Variants in ATAD3C observed in about 807,000 individuals in gnomAD.
The protein encoded by ATAD3C is ATPase family AAA domain containing 3C.
ATAD3C carries 38 observed loss-of-function variants against 46.3 expected under a neutral mutation model. The ratio of observed to expected loss-of-function variants is 0.82; its 90% confidence interval spans 0.63 to 1.08. ATAD3C has a LOEUF of 1.08. Among genes scored for constraint, ATAD3C ranks in the 50% least tolerant of loss-of-function variants. The pLI is 0.00. For missense variants in ATAD3C, 563 were observed against 572.7 expected (o/e 0.98, Z 0.17); for synonymous variants, 220 against 236.4 (o/e 0.93, Z 0.63).
intron 11 of ATAD3C, among the ~76,000 whole-genome samples, chr1:1,468,108 G>T (rs890874719): frequency 2.6e-5 from 4 of 152,040 alleles, no homozygotes; most frequent in African/African-American, 9.7e-5. Context: ...AGCTGCCCTG[G>T]GTCGGCCGTC....
intron 11 of ATAD3C, among the ~76,000 whole-genome samples, chr1:1,464,040 C>G (rs1639109604): frequency 6.7e-6 from 1 of 150,042 alleles, no homozygotes; most frequent in Admixed American, 6.7e-5. Context: ...TCCACCTCTA[C>G]TAAAAATACA....
rs1638856473 is a variant in ATAD3C at position 1,451,392 on chromosome 1, G to T, written c.75+634G>T. Among the ~76,000 whole-genome samples the T allele has an allele frequency of 1.3e-5, 2 of 151,436 alleles. 1 individual carries two copies. Among genetic ancestry groups the T allele is most frequent in the South Asian group, 4.2e-4 (2 of 4,786 alleles). On this transcript the variant is annotated intron_variant, in intron 1 of 11. Coordinates refer to ENST00000378785, the MANE Select transcript of ATAD3C (RefSeq NM_001039211.3). ...AACGGAGTCTCACTCTGTTGCCCAGGCTGGAGTGCAATGGTGCGATCTCAG... is the reference window on the plus strand; with the variant it reads ...AACGGAGTCTCACTCTGTTGCCCAGTCTGGAGTGCAATGGTGCGATCTCAG...
chr1:1,459,970 C>T lies in ATAD3C; in HGVS notation c.812+739C>T, dbSNP rs1639028716. ...TGCTGCCGGTAGACGCTCCCTGGAG[C>T]CCTGACTCGGGTCCTTCCCAGAGAG... On this transcript the variant is annotated intron_variant, in intron 9 of 11. Transcript: ENST00000378785. The surrounding 1 kb of genome is among the most constrained non-coding windows in gnomAD (Gnocchi z 4.9). Among the ~76,000 whole-genome samples the T allele has an allele frequency of 1.3e-5, 2 of 152,054 alleles. No homozygotes were observed. The highest frequency in any genetic ancestry group is 4.2e-4 in the South Asian group (2 of 4,814).
At chr1:1,451,249 A>C (rs1286633007) in intron 1 of ATAD3C, among the ~76,000 whole-genome samples, 1 of 151,702 alleles carries the variant, frequency 6.6e-6, no homozygotes, top group Non-Finnish European at 1.5e-5. Context: ...TCAGCGTGTC[A>C]GCCAGGATGG....
At chr1:1,458,426 C>T (rs1271000445) in intron 8 of ATAD3C, among the ~76,000 whole-genome samples, 1 of 151,122 alleles carries the variant, frequency 6.6e-6, no homozygotes, top group Non-Finnish European at 1.5e-5. Flanking sequence ...AGTCATGTAC[C>T]ACCACACCCA....
chr1:1,453,649 T>G (rs1173045797), intron 3 of ATAD3C, among the ~76,000 whole-genome samples: 1 of 151,062 alleles, frequency 6.6e-6, no homozygotes, highest in Non-Finnish European at 1.5e-5. Context: ...AACCATTTTT[T>G]TTTTTTTGAG....
chr1:1,459,934 C>A lies in ATAD3C; in HGVS notation c.812+703C>A, dbSNP rs1639028051. Among the ~76,000 whole-genome samples the A allele has an allele frequency of 6.6e-6, 1 of 152,052 alleles. No individual in the cohort carries two copies. Among genetic ancestry groups the A allele is most frequent in the South Asian group, 2.1e-4 (1 of 4,822 alleles). ...GCTGACTCCTCAGGCACGTTGGGCT[C>A]CTGGGTCAGCTGCTGCCGGTAGACG... On this transcript the variant is annotated intron_variant, in intron 9 of 11. Coordinates refer to ENST00000378785, the MANE Select transcript of ATAD3C (RefSeq NM_001039211.3). This position sits in a 1 kb window ranked among gnomAD's most constrained non-coding sequence, Gnocchi z 4.9.
intron 9 of ATAD3C, 47 bp from the exon 10 acceptor site, chr1:1,460,703 G>T (rs1322099162): frequency 1.3e-6 from 2 of 1,545,650 alleles, no homozygotes; most frequent in Non-Finnish European, 8.7e-7. Flanking sequence ...CCTGGGGACA[G>T]CTCGGCCGGC....
chr1:1,450,453 A>G lies in ATAD3C; in HGVS notation c.-231A>G, dbSNP rs1205613901. 26 of 579,356 alleles carry G rather than the reference A, an allele frequency of 4.5e-5. No homozygotes were observed. The highest frequency in any genetic ancestry group is 1.3e-4 in the South Asian group (6 of 46,088). The allele number at this position is 579,356 out of a possible 1,614,324, so 35.9% of individuals were successfully genotyped here. Reference sequence around the variant, plus strand: ...ATGGCCTTCCTGATGTGGCTCTCCAAGACCATCCCTGGAGGGCATAAAACC... The same window carrying G: ...ATGGCCTTCCTGATGTGGCTCTCCAGGACCATCCCTGGAGGGCATAAAACC... On this transcript the variant is annotated 5_prime_UTR_variant, in exon 1 of 12. Transcript: ENST00000378785.
Position 1,452,405 on chromosome 1 carries a change from G to T in ATAD3C, c.193G>T (p.Val65Leu), listed in dbSNP as rs748797994. The change falls in exon 3 of 12, where the codon GTG becomes TTG. Residue 65 changes from valine to leucine, a missense_variant. Around this residue, in one of 3 missense-constraint regions of ATAD3C, gnomAD observed 263 missense variants for 243.1 expected, o/e 1.08. Transcript: ENST00000378785. ...GTTTGGGGAAGGATTCCGTGCCTTT[G>T]TGACAGACCGGGACAAAGTGACAGC... ...TLFGEGFRAF[V>L]TDRDKVTATV... 12 of 1,613,774 alleles carry T rather than the reference G, an allele frequency of 7.4e-6. 1 individual carries two copies. In the South Asian group the frequency reaches 1.1e-4, roughly 15 times the overall value.
chr1:1,451,361 TTTTGAAACGGAGTC>T (rs1638856096), intron 1 of ATAD3C, among the ~76,000 whole-genome samples: 2 of 150,054 alleles, frequency 1.3e-5, no homozygotes, highest in Non-Finnish European at 3.0e-5. Context: ...ATTTTATTTA[TTTTGAAACGGAGTC>T]TCACTCTGTT....
chr1:1,468,359 C>T, intron 11 of ATAD3C, 25 bp from the exon 12 acceptor site: 1 of 1,594,590 alleles, frequency 6.3e-7, no homozygotes, highest in Non-Finnish European at 8.5e-7. Flanking sequence ...TGGCGGCCTC[C>T]CTCAGCTCCC....
At chr1:1,461,018 T>TG in intron 10 of ATAD3C, 101 bp downstream of exon 10, 1 of 1,380,296 alleles carries the variant, frequency 7.2e-7, no homozygotes, top group Admixed American at 2.6e-5. Context: ...GTCTCCAGGA[T>TG]GGGCACCACC....
intron 1 of ATAD3C, 118 bp downstream of exon 1, chr1:1,450,876 C>T (rs1638847365): frequency 8.8e-6 from 13 of 1,469,502 alleles, no homozygotes; most frequent in Admixed American, 4.0e-5. Flanking sequence ...AGCAGTGGGG[C>T]CCAGGGCCAA....
chr1:1,466,766 G>A (rs570789367), intron 11 of ATAD3C, among the ~76,000 whole-genome samples: 6 of 151,886 alleles, frequency 4.0e-5, no homozygotes, highest in South Asian at 2.1e-4. Context: ...TCCTGAATTC[G>A]TTTTGCTGGC....
At chr1:1,452,830 A>G (rs972109992) in intron 3 of ATAD3C, among the ~76,000 whole-genome samples, 5 of 150,846 alleles carry the variant, frequency 3.3e-5, no homozygotes, top group Admixed American at 6.6e-5. Context: ...GAAAGAAAGA[A>G]AAAACAGAAG....
At chr1:1,460,724 TTTCC>T in intron 9 of ATAD3C, 22 bp from the exon 10 acceptor site, 1 of 1,581,720 alleles carries the variant, frequency 6.3e-7, no homozygotes, top group South Asian at 1.2e-5. Flanking sequence ...AGCCCCAGCG[TTTCC>T]TTCCCCATCC....
rs532904818 is a variant in ATAD3C, at chr1:1,460,743, C to T, written c.813-7C>T. 282 of 1,598,444 alleles carry T rather than the reference C, an allele frequency of 1.8e-4. 6 individuals are homozygous for T. The South Asian group carries it at 3.0e-3, about 17-fold the overall frequency. ...CCAGCGTTTCCTTCCCCATCCCCGC[C>T]CCGCAGATTCATGCTGATCCTGGCC... is the stretch of plus-strand genomic sequence containing the variant. On this transcript the variant is annotated splice_region_variant and splice_polypyrimidine_tract_variant and intron_variant, in intron 9 of 11. Coordinates refer to ENST00000378785, the MANE Select transcript of ATAD3C (RefSeq NM_001039211.3).
chr1:1,456,849 C>T (rs1638969017), intron 7 of ATAD3C, among the ~76,000 whole-genome samples: 1 of 151,780 alleles, frequency 6.6e-6, no homozygotes, highest in African/African-American at 2.4e-5. Flanking sequence ...GGCACCCTCC[C>T]CTCTGGCCTT....
Sources: gnomAD v4.1 joint callset for allele counts (sites outside exome capture counted in the v4.1 genomes callset) on GRCh38, gnomAD v4.1.1 for gene constraint, gnomAD v4.1.1 regional missense constraint, Gnocchi (gnomAD v3.1) non-coding constraint, MANE v1.5 for transcripts, NCBI Gene and HGNC (gene_info 2026-07-23, HGNC 2026-07-21) for gene names.